Variants in EZH2 observed in about 807,000 individuals in gnomAD.
The protein encoded by EZH2 is histone-lysine N-methyltransferase EZH2.
In EZH2, 18 loss-of-function variants were observed where a neutral mutation model predicts 98.4. The ratio of observed to expected loss-of-function variants is 0.18; its 90% confidence interval spans 0.13 to 0.27. The LOEUF (loss-of-function observed/expected upper bound fraction) is 0.27, where lower values mean the gene tolerates loss of function less well. Among genes scored for constraint, EZH2 ranks in the 10% least tolerant of loss-of-function variants. The probability of loss-of-function intolerance (pLI) is 1.00; values close to 1 mark genes in which losing one functional copy is unlikely to be tolerated. For synonymous variants in EZH2, 338 were observed against 312.3 expected, an observed-to-expected ratio of 1.08 and a Z score of -0.87; for missense variants, 470 against 935.1, an observed-to-expected ratio of 0.50 and a Z score of 6.49.
intron 1 of EZH2, among the ~76,000 whole-genome samples, chr7:148,850,849 G>C (rs1278535203): frequency 6.6e-6 from 1 of 152,072 alleles, no homozygotes; most frequent in Non-Finnish European, 1.5e-5. Context: ...TACCCATGAA[G>C]TTTAATTTAT....
chr7:148,839,065 G>GAGAAGGAAGGAAGGAAGT lies in EZH2; in HGVS notation c.247-6316_247-6315insACTTCCTTCCTTCCTTCT, dbSNP rs1180873968. Among the ~76,000 whole-genome samples, 1,254 of 130,218 alleles carry GAGAAGGAAGGAAGGAAGT rather than the reference G, an allele frequency of 9.6e-3. 37 individuals are homozygous for GAGAAGGAAGGAAGGAAGT. The highest frequency in any genetic ancestry group is 0.038 in the African/African-American group (1,179 of 31,042). The allele number at this position is 130,218 out of a possible 152,430, so 85.4% of individuals were successfully genotyped here. On this transcript the variant is annotated intron_variant, in intron 3 of 19. Transcript: ENST00000320356. Reference sequence around the variant, plus strand: ...AAACTCTGTCAAATAAGGAAGGAAGGAAGGAAGGAAGGAAGGAAGGAAGGA... The same window carrying GAGAAGGAAGGAAGGAAGT: ...AAACTCTGTCAAATAAGGAAGGAAGGAGAAGGAAGGAAGGAAGTAAGGAAGGAAGGAAGGAAGGAAGGA...
At chr7:148,836,728 G>C in intron 3 of EZH2, 1 of 403,316 alleles carries the variant, frequency 2.5e-6, no homozygotes. Flanking sequence ...AAGGGGATGG[G>C]GGGGACTAGA....
chr7:148,879,928 G>C (rs77366963), intron 1 of EZH2, among the ~76,000 whole-genome samples: 4 of 152,032 alleles, frequency 2.6e-5, no homozygotes, highest in Admixed American at 1.3e-4. Flanking sequence ...AACAAAGCAG[G>C]ATCCCATCTC....
At position 148,815,671 on chromosome 7, in the gene EZH2, C is replaced by T. The variant is rs563540772; in HGVS notation, c.1506-125G>A. ...ATGCGTTAAAGCCAAGAGTCATGCC[C>T]TGCCCAGTTTATATTTGCCATCAGT... is the stretch of plus-strand genomic sequence containing the variant. On this transcript the variant is annotated intron_variant, in intron 12 of 19. Coordinates refer to ENST00000320356, the MANE Select transcript of EZH2 (RefSeq NM_004456.5). 202 of 826,012 alleles carry T rather than the reference C, an allele frequency of 2.4e-4. No individual in the cohort carries two copies. The African/African-American group carries it at 3.1e-3, about 13-fold the overall frequency. 51.2% of individuals were successfully genotyped at this position (826,012 alleles called of 1,614,324 possible).
At chr7:148,853,152 C>T (rs1347818180) in intron 1 of EZH2, among the ~76,000 whole-genome samples, 2 of 152,142 alleles carry the variant, frequency 1.3e-5, no homozygotes, top group Admixed American at 1.3e-4. Context: ...GGCATGGTGG[C>T]TCATATCCCA....
chr7:148,817,122 A>C (rs1179965163), intron 11 of EZH2, 100 bp downstream of exon 11: 2 of 1,103,648 alleles, frequency 1.8e-6, no homozygotes, highest in African/African-American at 3.2e-5. Context: ...GATGAATAGG[A>C]GCTTAGTAAT....
At chr7:148,822,003 A>T (rs1286485547) in intron 8 of EZH2, among the ~76,000 whole-genome samples, 1 of 152,248 alleles carries the variant, frequency 6.6e-6, no homozygotes, top group African/African-American at 2.4e-5. Context: ...ATCTCAAGGT[A>T]GTGAAAGATG....
intron 3 of EZH2, chr7:148,836,711 A>T: frequency 5.6e-6 from 2 of 354,596 alleles, no homozygotes; most frequent in Non-Finnish European, 1.1e-5. Flanking sequence ...TCAATGGTTT[A>T]AAAAAAAAGG....
rs953513770 is a variant in EZH2 at position 148,884,176 on chromosome 7, C to T, written c.-20G>A. 1.9e-5 allele frequency: 3 copies of T among 161,972 alleles called. No homozygotes were observed. The East Asian group carries it at 4.1e-4, about 22-fold the overall frequency. The allele number at this position is 161,972 out of a possible 1,614,324, so 10.0% of individuals were successfully genotyped here. A position where few individuals can be genotyped will look rare whatever the true frequency, so the allele number is the denominator to read the frequency against. Reference sequence around the variant, plus strand: ...AGCGGCGCGTTACCTTCGTCCCGCGCGCCGACTCGCGTTGTTCCCGCGCGT... The same window carrying T: ...AGCGGCGCGTTACCTTCGTCCCGCGTGCCGACTCGCGTTGTTCCCGCGCGT... On this transcript the variant is annotated 5_prime_UTR_variant, in exon 1 of 20. Coordinates refer to ENST00000320356, the MANE Select transcript of EZH2 (RefSeq NM_004456.5).
intron 1 of EZH2, among the ~76,000 whole-genome samples, chr7:148,850,821 T>C (rs1038906305): frequency 5.3e-5 from 8 of 152,148 alleles, no homozygotes; most frequent in African/African-American, 1.9e-4. Context: ...ATATACCATG[T>C]TTTTTCCTAT....
intron 3 of EZH2, among the ~76,000 whole-genome samples, chr7:148,842,778 A>G (rs551875483): frequency 1.3e-5 from 2 of 152,290 alleles, no homozygotes; most frequent in African/African-American, 2.4e-5. Flanking sequence ...TTAAAAACAC[A>G]TTAAGGGACG....
At position 148,826,475 on chromosome 7, in the gene EZH2, G is replaced by A. The variant is rs1351170148; in HGVS notation, c.886C>T (p.Leu296=). The A allele has an allele frequency of 1.9e-6, 3 of 1,586,106 alleles. No homozygotes were observed. The highest frequency in any genetic ancestry group is 1.8e-5 in the Admixed American group (1 of 56,806). ...GTACAATAATTGCACTTACGATGTA[G>A]GAAGCAGTCATATTTAAAACATCGC... is the stretch of plus-strand genomic sequence containing the variant. The part of the protein sequence containing the change: ...CRRCFKYDCF[L]HRKCNYSFHA... Residue 296 remains leucine, a synonymous_variant, in exon 8 of 20, where the codon CTA becomes TTA. Transcript: ENST00000320356.
In EZH2 at chr7:148,807,514, T is replaced by C; in HGVS notation, c.*132A>G. 1.4e-6 allele frequency: 1 copy of C among 732,848 alleles called. No homozygotes were observed. 45.4% of individuals were successfully genotyped at this position (732,848 alleles called of 1,614,324 possible). On this transcript the variant is annotated 3_prime_UTR_variant, in exon 20 of 20. Transcript: ENST00000320356. The stretch of plus-strand genomic sequence containing the variant: ...AAGTTGATTTTTAAACTCATTACTA[T>C]AAATTATTCTTACAGTACTTTGCAA...
At chr7:148,851,383 C>T (rs550190579) in intron 1 of EZH2, among the ~76,000 whole-genome samples, 69 of 152,210 alleles carry the variant, frequency 4.5e-4, no homozygotes, top group Non-Finnish European at 7.9e-4. Flanking sequence ...AAACCTACCT[C>T]AAAGTCTGGC....
chr7:148,843,898 T>A (rs1813240305), intron 3 of EZH2, among the ~76,000 whole-genome samples: 1 of 152,100 alleles, frequency 6.6e-6, no homozygotes, highest in Admixed American at 6.5e-5. Flanking sequence ...CCCGGCCAAA[T>A]GGGAGTATAA....
intron 3 of EZH2, among the ~76,000 whole-genome samples, chr7:148,839,945 T>C (rs994017416): frequency 6.6e-6 from 1 of 152,182 alleles, no homozygotes; most frequent in Non-Finnish European, 1.5e-5. Flanking sequence ...AATTCACAAA[T>C]ATAAACAAAC....
chr7:148,883,810 G>A (rs1480045011), intron 1 of EZH2, among the ~76,000 whole-genome samples: 2 of 151,966 alleles, frequency 1.3e-5, no homozygotes, highest in East Asian at 2.0e-4. Context: ...GGCTCGAGCT[G>A]CCACCCTGGA....
chr7:148,816,852 C>A, intron 11 of EZH2, 74 bp from the exon 12 acceptor site: 1 of 1,053,942 alleles, frequency 9.5e-7, no homozygotes, highest in Non-Finnish European at 1.5e-6. Flanking sequence ...TCATGCATAC[C>A]AGAAAAATGT....
intron 3 of EZH2, chr7:148,837,109 G>T: frequency 5.1e-6 from 2 of 392,318 alleles, no homozygotes; most frequent in Non-Finnish European, 1.0e-5. Context: ...TGTGAGGTAG[G>T]TATGACTCCC....
Sources: gnomAD v4.1 joint callset for allele counts (sites outside exome capture counted in the v4.1 genomes callset) on GRCh38, gnomAD v4.1.1 for gene constraint, MANE v1.5 for transcripts, NCBI Gene and HGNC (gene_info 2026-07-23, HGNC 2026-07-21) for gene names.